Variants in ERC2 observed in about 807,000 individuals in gnomAD.
ERC2 encodes the protein ERC protein 2.
In ERC2, 42 loss-of-function variants were observed where a neutral mutation model predicts 114.8. The observed-to-expected ratio is 0.37, with a 90% CI of 0.29 to 0.47. The LOEUF is 0.47. Among genes scored for constraint, ERC2 ranks in the 20% least tolerant of loss-of-function variants. The pLI is 0.99. For synonymous variants in ERC2, 454 were observed against 425.5 expected (o/e 1.07, Z -0.82); for missense variants, 939 against 1,150.7 (o/e 0.82, Z 2.66).
At chr3:55,713,773 C>T (rs1336505396) in intron 15 of ERC2, among the ~76,000 whole-genome samples, 1 of 152,186 alleles carries the variant, frequency 6.6e-6, no homozygotes, top group Non-Finnish European at 1.5e-5. Flanking sequence ...ATCAACCTGC[C>T]TATTATAAAG....
chr3:56,082,105 G>A (rs943904824), intron 6 of ERC2, among the ~76,000 whole-genome samples: 2 of 151,984 alleles, frequency 1.3e-5, no homozygotes, highest in Non-Finnish European at 2.9e-5. Flanking sequence ...AGGACCCTTT[G>A]CCACAATTAT....
At chr3:56,026,563 T>A (rs1419519630) in intron 7 of ERC2, among the ~76,000 whole-genome samples, 1 of 152,160 alleles carries the variant, frequency 6.6e-6, no homozygotes, top group Admixed American at 6.5e-5. Context: ...ATGATGGCCA[T>A]TATCTATTAA....
At chr3:56,360,061 C>CTTTTTT (rs5849149) in intron 2 of ERC2, among the ~76,000 whole-genome samples, 25 of 99,156 alleles carry the variant, frequency 2.5e-4, no homozygotes, top group Non-Finnish European at 2.8e-4. Flanking sequence ...TAACAAAAAT[C>CTTTTTT]TTTTTTTTTT....
At chr3:56,357,910 G>A (rs1220824140) in intron 2 of ERC2, among the ~76,000 whole-genome samples, 1 of 151,098 alleles carries the variant, frequency 6.6e-6, no homozygotes, top group Non-Finnish European at 1.5e-5. Flanking sequence ...CTATTCTGAG[G>A]CACCAACCTG....
intron 16 of ERC2, among the ~76,000 whole-genome samples, chr3:55,697,809 G>T (rs2063013533): frequency 6.6e-6 from 1 of 151,972 alleles, no homozygotes; most frequent in Admixed American, 6.6e-5. Context: ...TAGCATGTGT[G>T]GCTCAGAATG....
intron 1 of ERC2, among the ~76,000 whole-genome samples, chr3:56,446,611 C>CTTTTTTTTTTTTCTTTT (rs2062575739): frequency 8.3e-6 from 1 of 120,240 alleles, no homozygotes. Context: ...GCATTTTCTT[C>CTTTTTTTTTTTTCTTTT]TTTTTTTTTT....
chr3:56,347,438 G>A (rs969515625), intron 2 of ERC2, among the ~76,000 whole-genome samples: 2 of 151,878 alleles, frequency 1.3e-5, no homozygotes, highest in East Asian at 1.9e-4. Flanking sequence ...GGCTTGGCCC[G>A]TTCCTCCCTG....
chr3:55,678,057 C>G (rs564299060), intron 17 of ERC2, among the ~76,000 whole-genome samples: 1 of 152,156 alleles, frequency 6.6e-6, no homozygotes, highest in East Asian at 1.9e-4. Context: ...CTTTGTAAGC[C>G]TGAATAGAAG....
At chr3:55,649,595 A>G (rs2060530434) in intron 17 of ERC2, among the ~76,000 whole-genome samples, 1 of 152,160 alleles carries the variant, frequency 6.6e-6, no homozygotes, top group Non-Finnish European at 1.5e-5. Context: ...GTCCCAATCC[A>G]ATGTATGCGT....
At chr3:55,767,883 G>A (rs1480763446) in intron 14 of ERC2, among the ~76,000 whole-genome samples, 2 of 152,294 alleles carry the variant, frequency 1.3e-5, no homozygotes, top group Admixed American at 1.3e-4. Flanking sequence ...GTTTGGATTT[G>A]TGTCCCTGCC....
chr3:55,930,979 C>T lies in ERC2; in HGVS notation c.2403+19446G>A, dbSNP rs183717468. 6.6e-5 allele frequency among the ~76,000 whole-genome samples: 10 copies of T among 152,236 alleles called. No individual in the cohort carries two copies. The East Asian group carries it at 9.6e-4, about 15-fold the overall frequency. On this transcript the variant is annotated intron_variant, in intron 13 of 17. Coordinates refer to ENST00000288221, the MANE Select transcript of ERC2 (RefSeq NM_015576.3). ...CACTTCTCAAAAGAAGACATTTATGCGGCCAACAAGAATATTAAAAAAGGC... is the reference window on the plus strand; with the variant it reads ...CACTTCTCAAAAGAAGACATTTATGTGGCCAACAAGAATATTAAAAAAGGC...
At chr3:56,157,053 C>T (rs1045221720) in intron 4 of ERC2, among the ~76,000 whole-genome samples, 2 of 152,156 alleles carry the variant, frequency 1.3e-5, no homozygotes, top group African/African-American at 2.4e-5. Flanking sequence ...TTATTTTACC[C>T]ATTTAACAGG....
intron 14 of ERC2, among the ~76,000 whole-genome samples, chr3:55,803,470 T>A (rs939940698): frequency 6.7e-6 from 1 of 149,738 alleles, no homozygotes; most frequent in Non-Finnish European, 1.5e-5. Flanking sequence ...CAATTTCCAA[T>A]AAAAATGCTC....
chr3:56,253,022 G>A (rs1013754417), intron 3 of ERC2, among the ~76,000 whole-genome samples: 1 of 152,154 alleles, frequency 6.6e-6, no homozygotes, highest in Non-Finnish European at 1.5e-5. Flanking sequence ...AGGTGGTCCT[G>A]GCTAAGTGGT....
At chr3:55,821,148 TCAAC>T (rs2060106861) in intron 14 of ERC2, among the ~76,000 whole-genome samples, 1 of 152,154 alleles carries the variant, frequency 6.6e-6, no homozygotes, top group Non-Finnish European at 1.5e-5. Context: ...AGAAACCACA[TCAAC>T]TGAACAGTGA....
At chr3:56,438,097 GAAA>G (rs554943188) in intron 1 of ERC2, among the ~76,000 whole-genome samples, 1 of 152,048 alleles carries the variant, frequency 6.6e-6, no homozygotes, top group African/African-American at 2.4e-5. Context: ...TGGTTTCTTT[GAAA>G]AAACATAGAA....
intron 7 of ERC2, among the ~76,000 whole-genome samples, chr3:56,049,980 G>A (rs145784438): frequency 1.3e-4 from 20 of 152,136 alleles, no homozygotes; most frequent in African/African-American, 4.6e-4. Flanking sequence ...ACATATCTAT[G>A]GGTCCATTTA....
chr3:55,687,737 T>C (rs887319858), intron 16 of ERC2, among the ~76,000 whole-genome samples: 5 of 152,234 alleles, frequency 3.3e-5, no homozygotes, highest in African/African-American at 4.8e-5. Context: ...AACGTTTGGC[T>C]GCACAAGTCA....
chr3:56,147,323 G>A (rs2081192349), intron 5 of ERC2, among the ~76,000 whole-genome samples: 1 of 152,150 alleles, frequency 6.6e-6, no homozygotes, highest in East Asian at 1.9e-4. Context: ...GGCAGTCCCT[G>A]GTTACATTCA....
Sources: gnomAD v4.1 joint callset for allele counts (sites outside exome capture counted in the v4.1 genomes callset) on GRCh38, gnomAD v4.1.1 for gene constraint, MANE v1.5 for transcripts, NCBI Gene and HGNC (gene_info 2026-07-23, HGNC 2026-07-21) for gene names.